PLCL2: variants seen among roughly 807,000 people sequenced by gnomAD.
PLCL2 encodes phospholipase C like 2.
Under a neutral mutation model 79.6 loss-of-function variants are expected in PLCL2, and 4 were observed. The ratio of observed to expected loss-of-function variants is 0.05; its 90% CI spans 0.02 to 0.11. PLCL2 has a LOEUF of 0.11. PLCL2 is among the 10% of genes least tolerant of loss of function. The probability of loss-of-function intolerance (pLI) is 1.00; values close to 1 mark genes in which losing one functional copy is unlikely to be tolerated. For missense variants in PLCL2, 895 were observed against 1,291.0 expected (o/e 0.69, Z 4.70); for synonymous variants, 484 against 457.7 (o/e 1.06, Z -0.73).
intron 5 of PLCL2, among the ~76,000 whole-genome samples, chr3:17,085,007 G>A (rs572535740): frequency 2.6e-5 from 4 of 152,206 alleles, no homozygotes; most frequent in African/African-American, 9.6e-5. Context: ...GTTCACAGAT[G>A]ATATAATCAT....
At chr3:17,045,282 A>T (rs1263562253) in intron 4 of PLCL2, among the ~76,000 whole-genome samples, 1 of 152,228 alleles carries the variant, frequency 6.6e-6, no homozygotes, top group Non-Finnish European at 1.5e-5. Context: ...AAGCACAAAC[A>T]TATATTTTTA....
chr3:17,012,354 TG>T (rs1383174337), intron 2 of PLCL2, among the ~76,000 whole-genome samples, 194 bp downstream of exon 2: 3 of 152,240 alleles, frequency 2.0e-5, no homozygotes, highest in Admixed American at 1.3e-4. Flanking sequence ...TTGAAAATAT[TG>T]ATTACATATT....
At chr3:16,981,663 G>C (rs568050703) in intron 1 of PLCL2, among the ~76,000 whole-genome samples, 1 of 152,182 alleles carries the variant, frequency 6.6e-6, no homozygotes, top group Non-Finnish European at 1.5e-5. Context: ...ACATCTTAGG[G>C]TTCCCTTAGT....
intron 1 of PLCL2, among the ~76,000 whole-genome samples, chr3:16,914,845 T>G (rs1696957734): frequency 6.6e-6 from 1 of 152,138 alleles, no homozygotes; most frequent in Non-Finnish European, 1.5e-5. Flanking sequence ...CCCTCCCTCC[T>G]CAGCCTCCTG....
At chr3:16,990,566 C>T (rs2064095271) in intron 1 of PLCL2, among the ~76,000 whole-genome samples, 1 of 152,134 alleles carries the variant, frequency 6.6e-6, no homozygotes, top group Non-Finnish European at 1.5e-5. Flanking sequence ...TCAGTGAACT[C>T]CTTTTTGCCT....
intron 1 of PLCL2, among the ~76,000 whole-genome samples, chr3:16,938,770 C>T (rs1697604988): frequency 6.6e-6 from 1 of 152,038 alleles, no homozygotes; most frequent in Admixed American, 6.5e-5. Flanking sequence ...TGTTTATGCC[C>T]CACCCAGGCA....
At chr3:17,001,657 G>T (rs2125002652) in intron 1 of PLCL2, among the ~76,000 whole-genome samples, 1 of 152,026 alleles carries the variant, frequency 6.6e-6, no homozygotes. Context: ...AAAATTAGTT[G>T]GCTGTAAATG....
chr3:16,952,775 T>C (rs2124960804), intron 1 of PLCL2, among the ~76,000 whole-genome samples: 1 of 152,252 alleles, frequency 6.6e-6, no homozygotes, highest in African/African-American at 2.4e-5. Context: ...TTACCATGAT[T>C]ATTTACCTTA....
intron 1 of PLCL2, among the ~76,000 whole-genome samples, chr3:16,910,235 C>G (rs1696846494): frequency 6.6e-6 from 1 of 152,154 alleles, no homozygotes; most frequent in Non-Finnish European, 1.5e-5. Context: ...GTTGTCAGTG[C>G]TCACTGTCTT....
At chr3:17,065,202 G>C (rs1300825631) in intron 4 of PLCL2, among the ~76,000 whole-genome samples, 1 of 152,072 alleles carries the variant, frequency 6.6e-6, no homozygotes, top group Non-Finnish European at 1.5e-5. Context: ...GAGTGGTCTT[G>C]TCTCATTTTT....
intron 3 of PLCL2, among the ~76,000 whole-genome samples, chr3:17,036,828 C>T (rs1306993755): frequency 6.6e-6 from 1 of 152,166 alleles, no homozygotes; most frequent in African/African-American, 2.4e-5. Flanking sequence ...AGTCCAAAAT[C>T]AAGGCTCAGT....
chr3:16,916,042 G>C (rs1696986978), intron 1 of PLCL2, among the ~76,000 whole-genome samples: 2 of 152,070 alleles, frequency 1.3e-5, no homozygotes, highest in Admixed American at 1.3e-4. Context: ...GCTTAGTAAG[G>C]GCCCATAATC....
intron 1 of PLCL2, among the ~76,000 whole-genome samples, chr3:16,928,169 A>AG (rs1271333871): frequency 2.0e-5 from 3 of 152,228 alleles, no homozygotes; most frequent in Non-Finnish European, 2.9e-5. Flanking sequence ...GGTGATACAC[A>AG]GGATAGGCAG....
chr3:16,909,529 G>C lies in PLCL2; in HGVS notation c.327+24163G>C, dbSNP rs1307879315. Among the ~76,000 whole-genome samples, 5 of 152,256 alleles carry C rather than the reference G, an allele frequency of 3.3e-5. No individual in the cohort carries two copies. In the East Asian group the frequency reaches 7.7e-4, roughly 23 times the overall value. On this transcript the variant is annotated intron_variant, in intron 1 of 5. Coordinates refer to ENST00000615277, the MANE Select transcript of PLCL2 (RefSeq NM_001144382.2). The stretch of plus-strand genomic sequence containing the variant: ...TTATTAAATATATTTCAGGATCATT[G>C]ATTTAAGGTACACTAAGCAGATAAT...
intron 4 of PLCL2, among the ~76,000 whole-genome samples, chr3:17,059,606 A>G (rs2064927857): frequency 6.6e-6 from 1 of 152,100 alleles, no homozygotes; most frequent in Admixed American, 6.6e-5. Context: ...AGATAGTTGT[A>G]AAAGCAAGAG....
intron 1 of PLCL2, among the ~76,000 whole-genome samples, chr3:16,940,828 C>T (rs1697662472): frequency 6.6e-6 from 1 of 152,078 alleles, no homozygotes; most frequent in Admixed American, 6.5e-5. Context: ...TGTGATATAT[C>T]ATAAATTGTC....
chr3:17,010,528 T>C lies in PLCL2; in HGVS notation c.1182T>C (p.Gly394=), dbSNP rs752740689. Residue 394 remains glycine (G), a synonymous_variant, in exon 2 of 6, where the codon GGT becomes GGC. Coordinates refer to ENST00000615277, the MANE Select transcript of PLCL2 (RefSeq NM_001144382.2). This position sits in a 1 kb window ranked among gnomAD's most constrained non-coding sequence, Gnocchi z 5.8. ...ACAAATATGAACCATCCAAAGAGGG[T>C]CAGGAAAAGGGCTGGCTCTCCATAG... ...IIHKYEPSKE[G]QEKGWLSIDG... is the part of the protein sequence containing the mutation. 1 of 1,613,452 alleles carries C rather than the reference T, an allele frequency of 6.2e-7. No homozygotes were observed. The highest frequency in any genetic ancestry group is 1.7e-5 in the Admixed American group (1 of 59,952).
chr3:16,992,419 G>A (rs759281156), intron 1 of PLCL2, among the ~76,000 whole-genome samples: 1 of 152,176 alleles, frequency 6.6e-6, no homozygotes, highest in Non-Finnish European at 1.5e-5. Flanking sequence ...CCTCCACAGT[G>A]CTCACCACAC....
intron 4 of PLCL2, among the ~76,000 whole-genome samples, chr3:17,049,898 A>G (rs553506022): frequency 6.6e-6 from 1 of 152,328 alleles, no homozygotes; most frequent in East Asian, 1.9e-4. Flanking sequence ...AAAAAGAACA[A>G]TACTGGAGGA....
Sources: gnomAD v4.1 joint callset for allele counts (sites outside exome capture counted in the v4.1 genomes callset) on GRCh38, gnomAD v4.1.1 for gene constraint, Gnocchi (gnomAD v3.1) non-coding constraint, MANE v1.5 for transcripts, NCBI Gene and HGNC (gene_info 2026-07-23, HGNC 2026-07-21) for gene names.